Variants in KCNMB2 observed in about 807,000 individuals in gnomAD.
The protein encoded by KCNMB2 is calcium-activated potassium channel subunit beta-2.
Under a neutral mutation model 24.5 loss-of-function variants are expected in KCNMB2, and 9 were observed. The observed-to-expected ratio is 0.37, with a 90% CI of 0.22 to 0.64. The LOEUF (loss-of-function observed/expected upper bound fraction) is 0.64, where lower values mean the gene tolerates loss of function less well. KCNMB2 is among the 30% of genes least tolerant of loss of function. The probability of loss-of-function intolerance (pLI) is 0.63; values close to 1 mark genes in which losing one functional copy is unlikely to be tolerated. For synonymous variants in KCNMB2, 109 were observed against 104.4 expected (o/e 1.04, Z -0.27); for missense variants, 226 against 284.3 (o/e 0.79, Z 1.47).
chr3:178,722,197 A>T (rs1402447402), intron 1 of KCNMB2, among the ~76,000 whole-genome samples: 4 of 152,080 alleles, frequency 2.6e-5, no homozygotes, highest in African/African-American at 9.7e-5. Flanking sequence ...ATTTTTAGTT[A>T]ATTTTTTAAT....
chr3:178,699,514 G>C (rs924860202), intron 1 of KCNMB2, among the ~76,000 whole-genome samples: 1 of 152,194 alleles, frequency 6.6e-6, no homozygotes, highest in Non-Finnish European at 1.5e-5. Flanking sequence ...GGAGCTCTGT[G>C]CCAGTCAGGT....
At chr3:178,618,946 T>C (rs1718812385) in intron 1 of KCNMB2, among the ~76,000 whole-genome samples, 1 of 152,196 alleles carries the variant, frequency 6.6e-6, no homozygotes, top group African/African-American at 2.4e-5. Flanking sequence ...GACTAGGGAA[T>C]ACAAATCACC....
chr3:178,791,553 G>A (rs1400952807), intron 1 of KCNMB2, among the ~76,000 whole-genome samples: 1 of 151,208 alleles, frequency 6.6e-6, no homozygotes, highest in Non-Finnish European at 1.5e-5. Flanking sequence ...AACAGATAGA[G>A]TAGAAAGTGT....
intron 1 of KCNMB2, among the ~76,000 whole-genome samples, chr3:178,730,464 C>G (rs993465089): frequency 6.7e-6 from 1 of 148,580 alleles, no homozygotes; most frequent in Non-Finnish European, 1.5e-5. Flanking sequence ...TCAGCTACTC[C>G]AATAATTTCC....
intron 1 of KCNMB2, among the ~76,000 whole-genome samples, chr3:178,661,504 C>A: frequency 6.6e-6 from 1 of 152,164 alleles, no homozygotes; most frequent in African/African-American, 2.4e-5. Flanking sequence ...GTCTCTCTTG[C>A]GGTCACTCTA....
chr3:178,641,316 T>C (rs1000316751), intron 1 of KCNMB2, among the ~76,000 whole-genome samples: 2 of 152,190 alleles, frequency 1.3e-5, no homozygotes, highest in Admixed American at 1.3e-4. Flanking sequence ...GTCTTCTAAA[T>C]CAATAAATGG....
intron 1 of KCNMB2, among the ~76,000 whole-genome samples, chr3:178,540,105 T>G (rs2108445643): frequency 6.6e-6 from 1 of 152,294 alleles, no homozygotes; most frequent in Middle Eastern, 3.4e-3. Flanking sequence ...TTCCACAAAA[T>G]GTCCTCCTTC....
At chr3:178,687,578 G>A (rs182472154) in intron 1 of KCNMB2, among the ~76,000 whole-genome samples, 5 of 151,214 alleles carry the variant, frequency 3.3e-5, no homozygotes, top group East Asian at 3.9e-4. Context: ...CAAACAGCAC[G>A]GTAGGGCAGA....
At chr3:178,765,496 T>C (rs1395304351) in intron 1 of KCNMB2, among the ~76,000 whole-genome samples, 1 of 152,242 alleles carries the variant, frequency 6.6e-6, no homozygotes, top group Non-Finnish European at 1.5e-5. Context: ...AGGTGTTTAC[T>C]TCAGTAAACA....
chr3:178,732,995 A>C (rs1723202168), intron 1 of KCNMB2, among the ~76,000 whole-genome samples: 1 of 152,186 alleles, frequency 6.6e-6, no homozygotes, highest in African/African-American at 2.4e-5. Flanking sequence ...CAGGCCATAG[A>C]TGATGATAGT....
chr3:178,644,062 ACTAACTGTAC>A (rs1719821360), intron 1 of KCNMB2, among the ~76,000 whole-genome samples: 1 of 152,204 alleles, frequency 6.6e-6, no homozygotes, highest in African/African-American at 2.4e-5. Context: ...CCACCATGTC[ACTAACTGTAC>A]CTGGTTTCCA....
At chr3:178,550,711 T>C (rs1306669318) in intron 1 of KCNMB2, among the ~76,000 whole-genome samples, 1 of 151,996 alleles carries the variant, frequency 6.6e-6, no homozygotes, top group Non-Finnish European at 1.5e-5. Flanking sequence ...TTCCAATCTC[T>C]TTTTTGCCAC....
intron 1 of KCNMB2, among the ~76,000 whole-genome samples, chr3:178,761,653 A>G (rs930836499): frequency 2.6e-5 from 4 of 152,042 alleles, no homozygotes; most frequent in African/African-American, 9.7e-5. Context: ...GTGTTATACC[A>G]CAGTAAAAGA....
chr3:178,552,386 C>A (rs1456397086), intron 1 of KCNMB2, among the ~76,000 whole-genome samples: 1 of 152,072 alleles, frequency 6.6e-6, no homozygotes, highest in Non-Finnish European at 1.5e-5. Context: ...TTAAACCCCC[C>A]CCCAAAATAT....
At chr3:178,629,745 G>A (rs1364003240) in intron 1 of KCNMB2, among the ~76,000 whole-genome samples, 2 of 152,114 alleles carry the variant, frequency 1.3e-5, no homozygotes, top group Non-Finnish European at 2.9e-5. Flanking sequence ...TAAATAAAAT[G>A]TCAAGAAGGA....
chr3:178,822,666 T>C (rs1420470496), intron 2 of KCNMB2, among the ~76,000 whole-genome samples: 1 of 152,268 alleles, frequency 6.6e-6, no homozygotes, highest in African/African-American at 2.4e-5. Context: ...CTGGGTAGTA[T>C]CCTGATTTCT....
intron 2 of KCNMB2, among the ~76,000 whole-genome samples, chr3:178,814,810 A>G (rs1002408067): frequency 6.6e-6 from 1 of 152,002 alleles, no homozygotes; most frequent in Non-Finnish European, 1.5e-5. Context: ...CCACTTTTCA[A>G]TGGGTTATTT....
intron 1 of KCNMB2, among the ~76,000 whole-genome samples, chr3:178,644,088 C>T (rs1158681130): frequency 6.6e-6 from 1 of 152,194 alleles, no homozygotes; most frequent in African/African-American, 2.4e-5. Context: ...TTCCAGAAGT[C>T]CTTTTGAGAT....
chr3:178,814,162 T>A (rs1286773477), intron 2 of KCNMB2, among the ~76,000 whole-genome samples: 1 of 152,166 alleles, frequency 6.6e-6, no homozygotes, highest in African/African-American at 2.4e-5. Flanking sequence ...CCCTGCCCCC[T>A]TTTGGAGTCC....
Sources: gnomAD v4.1 joint callset for allele counts (sites outside exome capture counted in the v4.1 genomes callset) on GRCh38, gnomAD v4.1.1 for gene constraint, MANE v1.5 for transcripts, NCBI Gene and HGNC (gene_info 2026-07-23, HGNC 2026-07-21) for gene names.